The following TTLL13 variants were observed in gnomAD, a reference collection of about 807,000 sequenced individuals.
TTLL13 encodes the protein tubulin tyrosine ligase like 13, also known as tubulin polyglutamylase TTLL13.
chr15:90,261,598 G>A, the TTLL13 span, among the ~76,000 whole-genome samples: 3 of 151,794 alleles, frequency 2.0e-5, no homozygotes, highest in African/African-American at 7.3e-5. Flanking sequence ...TTGCCAACGT[G>A]GTGAAACCCT....
chr15:90,257,979 C>A, the TTLL13 span: 1 of 1,526,742 alleles, frequency 6.5e-7, no homozygotes, highest in Admixed American at 1.7e-5. Context: ...GAGCCTCCTG[C>A]CTACAGCCTG....
chr15:90,251,806 T>C, the TTLL13 span, among the ~76,000 whole-genome samples: 2 of 136,850 alleles, frequency 1.5e-5, no homozygotes, highest in East Asian at 2.2e-4. Flanking sequence ...TTAGGGAGGG[T>C]ATCCTCACAG....
At chr15:90,258,166 G>T in the TTLL13 span, 1 of 1,614,202 alleles carries the variant, frequency 6.2e-7, no homozygotes, top group Non-Finnish European at 8.5e-7. Context: ...CACAACTACC[G>T]AACCTGTTTT....
the TTLL13 span, chr15:90,262,052 C>T: frequency 1.0e-5 from 16 of 1,535,654 alleles, no homozygotes; most frequent in Admixed American, 2.4e-4. Flanking sequence ...GGACCAGGAA[C>T]GATATGAGGA....
the TTLL13 span, among the ~76,000 whole-genome samples, chr15:90,259,873 A>G: frequency 6.6e-6 from 1 of 152,368 alleles, no homozygotes; most frequent in Non-Finnish European, 1.5e-5. Context: ...CTAAAATTGT[A>G]ATTTGTTAAT....
At chr15:90,249,694 A>T in the TTLL13 span, 8 of 152,252 alleles carry the variant, frequency 5.3e-5, no homozygotes, top group Non-Finnish European at 1.0e-4. Context: ...GACGCCCAGA[A>T]ACGCCCAGGG....
At chr15:90,255,088 G>C in the TTLL13 span, among the ~76,000 whole-genome samples, 12 of 152,190 alleles carry the variant, frequency 7.9e-5, no homozygotes, top group African/African-American at 2.7e-4. Context: ...TACTCTTTGT[G>C]GCTGTCCCCC....
the TTLL13 span, among the ~76,000 whole-genome samples, chr15:90,256,646 T>C: frequency 1.4e-5 from 2 of 138,472 alleles, no homozygotes; most frequent in African/African-American, 2.6e-5. Flanking sequence ...TCCTTCTTTC[T>C]TTCTCCCTTT....
chr15:90,261,844 G>A, the TTLL13 span, among the ~76,000 whole-genome samples: 1 of 152,224 alleles, frequency 6.6e-6, no homozygotes, highest in Non-Finnish European at 1.5e-5. Context: ...CTACCCACAT[G>A]TGGGGCTAGC....
At chr15:90,260,913 G>A in the TTLL13 span, among the ~76,000 whole-genome samples, 8 of 151,290 alleles carry the variant, frequency 5.3e-5, no homozygotes, top group East Asian at 3.9e-4. Flanking sequence ...ACGCATGCAC[G>A]CACAAGCTAG....
chr15:90,262,920 G>A, the TTLL13 span: 2 of 1,518,568 alleles, frequency 1.3e-6, no homozygotes, highest in Admixed American at 4.1e-5. Flanking sequence ...GATGGTTTGG[G>A]ACTTATCCTT....
At chr15:90,251,484 G>A in the TTLL13 span, 1 of 1,426,516 alleles carries the variant, frequency 7.0e-7, no homozygotes, top group East Asian at 2.3e-5. Flanking sequence ...GAATTTGTTG[G>A]ATGTCTTTTC....
the TTLL13 span, chr15:90,263,711 T>G: frequency 1.6e-6 from 1 of 637,246 alleles, no homozygotes. Context: ...TACATAAAAA[T>G]GTGGTAAGGG....
the TTLL13 span, among the ~76,000 whole-genome samples, chr15:90,256,704 C>A: frequency 6.6e-6 from 1 of 150,802 alleles, no homozygotes; most frequent in Admixed American, 6.7e-5. Flanking sequence ...CTCTCTCTTT[C>A]TTTCGATGGA....
chr15:90,257,017 G>A, the TTLL13 span: 1 of 974,996 alleles, frequency 1.0e-6, no homozygotes, highest in Non-Finnish European at 1.5e-6. Context: ...AGTAATAACA[G>A]TAACTATTTT....
chr15:90,261,692 A>C, the TTLL13 span, among the ~76,000 whole-genome samples: 1 of 152,164 alleles, frequency 6.6e-6, no homozygotes, highest in Non-Finnish European at 1.5e-5. Flanking sequence ...AGGCAGGAGA[A>C]CTGCTTAAAC....
chr15:90,255,869 T>C, the TTLL13 span: 4 of 1,614,068 alleles, frequency 2.5e-6, no homozygotes, highest in Admixed American at 6.7e-5. Context: ...CCCCCGCACC[T>C]GGTGCCTCCC....
chr15:90,256,609 C>CTTT, the TTLL13 span, among the ~76,000 whole-genome samples: 972 of 40,006 alleles, frequency 0.024, 7 homozygotes, highest in African/African-American at 0.058. Flanking sequence ...TTCTTTCTTT[C>CTTT]CTTCCTTCCT....
chr15:90,257,732 A>T, the TTLL13 span: 20 of 1,612,606 alleles, frequency 1.2e-5, no homozygotes, highest in Non-Finnish European at 1.7e-5. Context: ...GGTACTCCCT[A>T]CTCTGTTTTC....
Sources: gnomAD v4.1 joint callset for allele counts (sites outside exome capture counted in the v4.1 genomes callset) on GRCh38, gnomAD v4.1.1 for gene constraint, MANE v1.5 for transcripts, NCBI Gene and HGNC (gene_info 2026-07-23, HGNC 2026-07-21) for gene names.